The following TNIK variants were observed in gnomAD, a reference collection of about 807,000 sequenced individuals.
The protein encoded by TNIK is TRAF2 and NCK interacting kinase, also known as TRAF2 and NCK-interacting protein kinase.
In TNIK, 49 loss-of-function variants were observed where a neutral mutation model predicts 191.3. That is an observed-to-expected ratio of 0.26 (90% CI 0.20 to 0.32). The LOEUF is 0.32. Ranked by LOEUF, TNIK falls within the 10% of genes least tolerant of loss-of-function variation. The pLI is 1.00. For missense variants in TNIK, 1,155 were observed against 1,702.3 expected (o/e 0.68, Z 5.66); for synonymous variants, 594 against 600.9 (o/e 0.99, Z 0.17).
chr3:171,345,739 T>C (rs995189698), intron 2 of TNIK, among the ~76,000 whole-genome samples: 8 of 152,118 alleles, frequency 5.3e-5, no homozygotes, highest in African/African-American at 1.9e-4. Flanking sequence ...CCTTATTCCT[T>C]AGTTGCAAGG....
intron 1 of TNIK, among the ~76,000 whole-genome samples, chr3:171,379,973 C>T (rs757389844): frequency 1.3e-5 from 2 of 151,994 alleles, no homozygotes; most frequent in Non-Finnish European, 2.9e-5. Context: ...CACGCCACTG[C>T]ACTCCAGCCT....
At chr3:171,230,580 T>G (rs948212442) in intron 2 of TNIK, among the ~76,000 whole-genome samples, 1 of 152,072 alleles carries the variant, frequency 6.6e-6, no homozygotes, top group Non-Finnish European at 1.5e-5. Context: ...AACAAACTGT[T>G]TGCGCTTCTG....
intron 2 of TNIK, among the ~76,000 whole-genome samples, chr3:171,237,501 CG>C (rs997854398): frequency 6.9e-6 from 1 of 144,206 alleles, no homozygotes; most frequent in African/African-American, 2.5e-5. Context: ...ATGATTCCCA[CG>C]GAAAAAAAAA....
intron 2 of TNIK, among the ~76,000 whole-genome samples, chr3:171,311,160 A>T (rs1388678143): frequency 1.3e-5 from 2 of 152,200 alleles, no homozygotes; most frequent in Non-Finnish European, 2.9e-5. Context: ...AAAAAATTCA[A>T]TTCAGTAGCT....
intron 7 of TNIK, among the ~76,000 whole-genome samples, chr3:171,183,798 GTAA>G (rs1222704549): frequency 2.6e-5 from 4 of 151,794 alleles, no homozygotes; most frequent in African/African-American, 9.7e-5. Context: ...GCGGGCGCCT[GTAA>G]TCCCAGCTAC....
At chr3:171,253,989 T>A (rs1470910298) in intron 2 of TNIK, among the ~76,000 whole-genome samples, 2 of 152,220 alleles carry the variant, frequency 1.3e-5, no homozygotes, top group African/African-American at 4.8e-5. Flanking sequence ...TTTCTGGACA[T>A]GACTCAGACA....
intron 2 of TNIK, among the ~76,000 whole-genome samples, chr3:171,349,797 C>T (rs1178265217): frequency 6.6e-6 from 1 of 152,176 alleles, no homozygotes; most frequent in Non-Finnish European, 1.5e-5. Context: ...TCTAGTTACA[C>T]CGAGCATACA....
intron 2 of TNIK, among the ~76,000 whole-genome samples, chr3:171,354,810 T>C (rs554862692): frequency 1.3e-5 from 2 of 152,320 alleles, no homozygotes; most frequent in Non-Finnish European, 2.9e-5. Flanking sequence ...CCATGATGCA[T>C]AGTACTTAGG....
intron 1 of TNIK, among the ~76,000 whole-genome samples, chr3:171,372,088 C>G (rs572665595): frequency 6.6e-6 from 1 of 152,178 alleles, no homozygotes; most frequent in East Asian, 1.9e-4. Flanking sequence ...TCACTCGCCT[C>G]AGGGTCCCCT....
intron 14 of TNIK, 104 bp downstream of exon 14, chr3:171,139,366 A>ACACG (rs1010726260): frequency 2.2e-6 from 2 of 905,820 alleles, no homozygotes; most frequent in Admixed American, 2.0e-5. Context: ...TTAGAAGGAC[A>ACACG]CACGCACGCG....
intron 19 of TNIK, among the ~76,000 whole-genome samples, chr3:171,109,266 ATTC>A (rs995911349): frequency 6.6e-6 from 1 of 152,228 alleles, no homozygotes; most frequent in African/African-American, 2.4e-5. Context: ...AGCTTAAGCA[ATTC>A]TTCTACCTCG....
intron 5 of TNIK, 25 bp from the exon 6 acceptor site, chr3:171,190,812 G>A (rs1245992015): frequency 2.0e-6 from 3 of 1,538,386 alleles, no homozygotes; most frequent in South Asian, 1.2e-5. Flanking sequence ...AGTTAAGAAG[G>A]GTTAATAGGA....
chr3:171,294,194 A>G (rs11922799), intron 2 of TNIK, among the ~76,000 whole-genome samples: 2,822 of 152,194 alleles, frequency 0.019, 90 homozygotes, highest in African/African-American at 0.065. Context: ...GCGCCACTGC[A>G]CTCCAGCCTG....
intron 1 of TNIK, among the ~76,000 whole-genome samples, chr3:171,458,276 G>A (rs1351427506): frequency 6.6e-6 from 1 of 151,848 alleles, no homozygotes; most frequent in African/African-American, 2.4e-5. Flanking sequence ...ACACACAGTC[G>A]GTAAAGCAGG....
At chr3:171,260,680 G>T (rs1747491006) in intron 2 of TNIK, among the ~76,000 whole-genome samples, 1 of 152,210 alleles carries the variant, frequency 6.6e-6, no homozygotes, top group African/African-American at 2.4e-5. Flanking sequence ...TTTCCAATGA[G>T]TTGTTTTTAG....
intron 1 of TNIK, among the ~76,000 whole-genome samples, chr3:171,374,405 A>G (rs1716943111): frequency 6.6e-6 from 1 of 152,244 alleles, no homozygotes; most frequent in Admixed American, 6.5e-5. Context: ...AGCTGTACCT[A>G]ATAATCATGT....
At chr3:171,331,098 C>T (rs940142122) in intron 2 of TNIK, among the ~76,000 whole-genome samples, 1 of 152,208 alleles carries the variant, frequency 6.6e-6, no homozygotes, top group African/African-American at 2.4e-5. Context: ...GAAACAGCAG[C>T]ACATGTTCTG....
At chr3:171,275,885 C>T (rs114518507) in intron 2 of TNIK, among the ~76,000 whole-genome samples, 17,139 of 150,650 alleles carry the variant, frequency 0.11, 1,061 homozygotes, top group African/African-American at 0.12. Context: ...CGACAGAGCG[C>T]GACTCCGTCT....
intron 1 of TNIK, among the ~76,000 whole-genome samples, chr3:171,390,143 C>T (rs1401653097): frequency 1.3e-5 from 2 of 152,272 alleles, no homozygotes; most frequent in African/African-American, 4.8e-5. Context: ...ACCTCTGAGC[C>T]TTTGTGGCAC....
Sources: gnomAD v4.1 joint callset for allele counts (sites outside exome capture counted in the v4.1 genomes callset) on GRCh38, gnomAD v4.1.1 for gene constraint, MANE v1.5 for transcripts, NCBI Gene and HGNC (gene_info 2026-07-23, HGNC 2026-07-21) for gene names.